Variants in SPIDR observed in about 807,000 individuals in gnomAD.
The protein encoded by SPIDR is DNA repair-scaffolding protein.
SPIDR carries 93 observed loss-of-function variants against 104.6 expected under a neutral mutation model. That is an observed-to-expected ratio of 0.89 (90% CI 0.75 to 1.06). SPIDR has a LOEUF of 1.06. Ranked by LOEUF, SPIDR falls within the 50% of genes least tolerant of loss-of-function variation. SPIDR has a pLI of 0.00. For missense variants in SPIDR, 1,154 were observed against 1,111.2 expected, an observed-to-expected ratio of 1.04 and a Z score of -0.55; for synonymous variants, 431 against 416.9, an observed-to-expected ratio of 1.03 and a Z score of -0.41.
intron 10 of SPIDR, among the ~76,000 whole-genome samples, chr8:47,634,072 G>A (rs539555436): frequency 9.3e-5 from 14 of 150,878 alleles, no homozygotes; most frequent in Non-Finnish European, 1.8e-4. Context: ...CCCAGCCTGC[G>A]TGACAGAGTA....
chr8:47,690,631 C>G (rs1055139276), intron 11 of SPIDR, among the ~76,000 whole-genome samples: 1 of 151,882 alleles, frequency 6.6e-6, no homozygotes, highest in African/African-American at 2.4e-5. Flanking sequence ...CCAGCCTTGC[C>G]AACATGGAGA....
At chr8:47,469,053 A>G (rs1554719271) in intron 8 of SPIDR, among the ~76,000 whole-genome samples, 6 of 152,234 alleles carry the variant, frequency 3.9e-5, no homozygotes, top group Admixed American at 3.3e-4. Flanking sequence ...ACACTTTTCA[A>G]AAGAAGACAT....
At chr8:47,392,713 A>G (rs1314352793) in intron 5 of SPIDR, among the ~76,000 whole-genome samples, 12 of 152,236 alleles carry the variant, frequency 7.9e-5, no homozygotes, top group African/African-American at 2.4e-4. Flanking sequence ...TAACTTAAGC[A>G]TCGTCGTACC....
intron 8 of SPIDR, among the ~76,000 whole-genome samples, chr8:47,595,567 GA>G (rs1172771795): frequency 6.6e-6 from 1 of 152,218 alleles, no homozygotes; most frequent in Non-Finnish European, 1.5e-5. Flanking sequence ...GGGCACAAGG[GA>G]GCCCAAGCCC....
intron 8 of SPIDR, among the ~76,000 whole-genome samples, chr8:47,492,989 T>G (rs890828859): frequency 3.3e-5 from 5 of 150,460 alleles, no homozygotes; most frequent in African/African-American, 9.8e-5. Flanking sequence ...TCCAGCTGGA[T>G]GGGCTTTCTC....
intron 5 of SPIDR, among the ~76,000 whole-genome samples, chr8:47,387,388 G>T (rs1234592079): frequency 6.6e-6 from 1 of 152,184 alleles, no homozygotes; most frequent in African/African-American, 2.4e-5. Context: ...TCTGATTGTG[G>T]TGTGTAGGGC....
intron 9 of SPIDR, among the ~76,000 whole-genome samples, chr8:47,597,098 A>T (rs982714000): frequency 6.6e-6 from 1 of 152,242 alleles, no homozygotes; most frequent in Non-Finnish European, 1.5e-5. Context: ...GAATACTCTA[A>T]AATAACAATA....
intron 8 of SPIDR, among the ~76,000 whole-genome samples, chr8:47,462,466 G>C (rs1398776768): frequency 3.3e-5 from 5 of 152,052 alleles, no homozygotes; most frequent in Non-Finnish European, 7.4e-5. Flanking sequence ...CTGCAATCTA[G>C]TCCTGCCTCC....
chr8:47,473,561 C>T (rs935117391), intron 8 of SPIDR, among the ~76,000 whole-genome samples: 2 of 152,218 alleles, frequency 1.3e-5, no homozygotes, highest in East Asian at 1.9e-4. Flanking sequence ...TTTTTCCCAA[C>T]GCTGGACATA....
chr8:47,323,107 G>GA (rs79721470), intron 5 of SPIDR, among the ~76,000 whole-genome samples: 51 of 142,178 alleles, frequency 3.6e-4, no homozygotes, highest in African/African-American at 1.1e-3. Context: ...AAGAAGAAGA[G>GA]AAAAAAAAAA....
chr8:47,484,858 C>A (rs978346846), intron 8 of SPIDR, among the ~76,000 whole-genome samples: 2 of 152,104 alleles, frequency 1.3e-5, no homozygotes, highest in Admixed American at 6.5e-5. Flanking sequence ...CAGATCCAGA[C>A]CCGGACGGCA....
intron 10 of SPIDR, among the ~76,000 whole-genome samples, chr8:47,618,363 A>T (rs1291350358): frequency 6.6e-6 from 1 of 152,078 alleles, no homozygotes; most frequent in Admixed American, 6.6e-5. Flanking sequence ...ATTAAAAAAA[A>T]TTTTTCCCTT....
intron 6 of SPIDR, among the ~76,000 whole-genome samples, chr8:47,401,979 C>A (rs868982544): frequency 6.6e-6 from 1 of 152,194 alleles, no homozygotes; most frequent in Non-Finnish European, 1.5e-5. Flanking sequence ...CTGCACCTAG[C>A]AGACCTAATA....
At chr8:47,734,512 G>A (rs544425870) in intron 19 of SPIDR, among the ~76,000 whole-genome samples, 10 of 152,274 alleles carry the variant, frequency 6.6e-5, no homozygotes, top group African/African-American at 1.9e-4. Context: ...CAGAACTGCT[G>A]TAGCAACTGC....
At chr8:47,427,195 T>C (rs1321161268) in intron 7 of SPIDR, among the ~76,000 whole-genome samples, 1 of 151,280 alleles carries the variant, frequency 6.6e-6, no homozygotes, top group Non-Finnish European at 1.5e-5. Context: ...CATTATATAA[T>C]GGGTTGGAAA....
At chr8:47,635,219 C>T (rs928361910) in intron 10 of SPIDR, among the ~76,000 whole-genome samples, 1 of 152,080 alleles carries the variant, frequency 6.6e-6, no homozygotes, top group Non-Finnish European at 1.5e-5. Flanking sequence ...TGGCACATGC[C>T]TATAATCCCA....
At chr8:47,337,230 C>G (rs1045515039) in intron 5 of SPIDR, among the ~76,000 whole-genome samples, 2 of 152,084 alleles carry the variant, frequency 1.3e-5, no homozygotes, top group Non-Finnish European at 2.9e-5. Flanking sequence ...TGGGTTCAAC[C>G]TGACCTTCCA....
chr8:47,555,599 G>T (rs1224867113), intron 8 of SPIDR, among the ~76,000 whole-genome samples: 1 of 152,218 alleles, frequency 6.6e-6, no homozygotes, highest in African/African-American at 2.4e-5. Flanking sequence ...GTTCCTTCCT[G>T]TGTATATTCC....
At position 47,314,077 on chromosome 8, in the gene SPIDR, TATA is replaced by T. The variant is rs1371021285; in HGVS notation, c.525+20050_525+20052del. ...AGTTGTGACTGTTTAAAGCAGAAATTATAATGTTACAATATGGCATTTATATAT... is the reference window on the plus strand; with the variant it reads ...AGTTGTGACTGTTTAAAGCAGAAATTATGTTACAATATGGCATTTATATAT... On this transcript the variant is annotated intron_variant, in intron 5 of 19. Coordinates refer to ENST00000297423, the MANE Select transcript of SPIDR (RefSeq NM_001080394.4). Among the ~76,000 whole-genome samples the T allele has an allele frequency of 3.9e-5, 6 of 152,304 alleles. No homozygotes were observed. The East Asian group carries it at 7.7e-4, about 20-fold the overall frequency.
Sources: gnomAD v4.1 joint callset for allele counts (sites outside exome capture counted in the v4.1 genomes callset) on GRCh38, gnomAD v4.1.1 for gene constraint, MANE v1.5 for transcripts, NCBI Gene and HGNC (gene_info 2026-07-23, HGNC 2026-07-21) for gene names.